The following ASAP2 variants were observed in gnomAD, a reference collection of about 807,000 sequenced individuals.
ASAP2 encodes arf-GAP with SH3 domain, ANK repeat and PH domain-containing protein 2.
ASAP2 carries 45 observed loss-of-function variants against 131.4 expected under a neutral mutation model. That is an observed-to-expected ratio of 0.34 (90% CI 0.27 to 0.44). The LOEUF (loss-of-function observed/expected upper bound fraction) is 0.44. Among genes scored for constraint, ASAP2 ranks in the 20% least tolerant of loss-of-function variants. The pLI, the probability that ASAP2 is intolerant of heterozygous loss-of-function variation, is 1.00. For missense variants in ASAP2, 1,011 were observed against 1,297.0 expected, an observed-to-expected ratio of 0.78 and a Z score of 3.39; for synonymous variants, 510 against 503.0, an observed-to-expected ratio of 1.01 and a Z score of -0.19.
intron 3 of ASAP2, among the ~76,000 whole-genome samples, chr2:9,304,533 A>G (rs1168922067): frequency 8.2e-5 from 12 of 145,634 alleles, no homozygotes; most frequent in African/African-American, 2.6e-4. Flanking sequence ...GGGGATGTAC[A>G]TAGGTGGGAG....
At chr2:9,275,566 C>A (rs1214141021) in intron 1 of ASAP2, among the ~76,000 whole-genome samples, 3 of 152,202 alleles carry the variant, frequency 2.0e-5, no homozygotes, top group African/African-American at 7.2e-5. Flanking sequence ...TGGGTTCCAG[C>A]CAGTTCCCTC....
chr2:9,304,649 G>A (rs989150391), intron 3 of ASAP2, among the ~76,000 whole-genome samples: 1 of 151,108 alleles, frequency 6.6e-6, no homozygotes, highest in African/African-American at 2.4e-5. Flanking sequence ...TTGGTGGAGG[G>A]GTTGTAGTAT....
At chr2:9,211,023 C>T (rs548289360) in intron 1 of ASAP2, among the ~76,000 whole-genome samples, 26 of 152,058 alleles carry the variant, frequency 1.7e-4, no homozygotes, top group Admixed American at 7.2e-4. Context: ...GGTGTGGTGG[C>T]GCATGCCTGT....
chr2:9,401,247 T>C, intron 26 of ASAP2, 27 bp from the exon 27 acceptor site: 1 of 1,612,706 alleles, frequency 6.2e-7, no homozygotes, highest in Non-Finnish European at 8.5e-7. Context: ...GCAGCCACAC[T>C]AACCGTTGTT....
intron 1 of ASAP2, among the ~76,000 whole-genome samples, chr2:9,269,821 A>G (rs1666216069): frequency 6.6e-6 from 1 of 152,224 alleles, no homozygotes; most frequent in African/African-American, 2.4e-5. Context: ...CAGGTGTGGA[A>G]AATGAGTGAA....
At chr2:9,327,458 A>G (rs896947087) in intron 6 of ASAP2, among the ~76,000 whole-genome samples, 1 of 152,206 alleles carries the variant, frequency 6.6e-6, no homozygotes, top group Non-Finnish European at 1.5e-5. Flanking sequence ...GTTAGCAGTT[A>G]TTGTTCCTAA....
At chr2:9,402,672 C>A (rs1459307792) in intron 27 of ASAP2, among the ~76,000 whole-genome samples, 1 of 152,128 alleles carries the variant, frequency 6.6e-6, no homozygotes, top group Non-Finnish European at 1.5e-5. Flanking sequence ...ACCACAGCAC[C>A]CCCCACCCAC....
At chr2:9,314,367 TG>T (rs1273793938) in intron 3 of ASAP2, among the ~76,000 whole-genome samples, 1 of 152,246 alleles carries the variant, frequency 6.6e-6, no homozygotes, top group Non-Finnish European at 1.5e-5. Flanking sequence ...CACATGCATT[TG>T]CTATATTATG....
chr2:9,347,594 A>T (rs1184575996), intron 11 of ASAP2, among the ~76,000 whole-genome samples: 2 of 152,142 alleles, frequency 1.3e-5, no homozygotes, highest in Non-Finnish European at 2.9e-5. Context: ...TGGGAAATGA[A>T]GTTGTTGTAT....
At chr2:9,223,249 G>A (rs1662550622) in intron 1 of ASAP2, among the ~76,000 whole-genome samples, 1 of 152,208 alleles carries the variant, frequency 6.6e-6, no homozygotes, top group Non-Finnish European at 1.5e-5. Context: ...GAAGTGCACA[G>A]TTCTCTTTAT....
At position 9,403,785 on chromosome 2, in the gene ASAP2, A is replaced by G. The variant is rs1177481379; in HGVS notation, c.*458A>G. The stretch of plus-strand genomic sequence containing the variant: ...CTCTGAACTTTCTCGATAAAATGCC[A>G]TCAGTTCACCTTTAAAGACACACAT... On this transcript the variant is annotated 3_prime_UTR_variant, in exon 28 of 28. Coordinates refer to ENST00000281419, the MANE Select transcript of ASAP2 (RefSeq NM_003887.3). The G allele has an allele frequency of 6.3e-6, 1 of 157,990 alleles. No individual in the cohort carries two copies. Among genetic ancestry groups the G allele is most frequent in the African/African-American group, 2.4e-5 (1 of 41,524 alleles). 9.8% of individuals were successfully genotyped at this position (157,990 alleles called of 1,614,324 possible). A position where few individuals can be genotyped will look rare whatever the true frequency, so the allele number is the denominator to read the frequency against.
chr2:9,334,346 G>A (rs1258526111), intron 7 of ASAP2, among the ~76,000 whole-genome samples: 1 of 151,846 alleles, frequency 6.6e-6, no homozygotes, highest in Non-Finnish European at 1.5e-5. Context: ...ATGAGCCACA[G>A]CACCCGGCCT....
intron 1 of ASAP2, among the ~76,000 whole-genome samples, chr2:9,208,012 G>C (rs994865377): frequency 2.0e-4 from 30 of 152,314 alleles, no homozygotes; most frequent in African/African-American, 7.2e-4. Context: ...ACGTAGGAAC[G>C]AAGAAGCTTG....
intron 1 of ASAP2, among the ~76,000 whole-genome samples, chr2:9,267,302 C>G (rs1219905074): frequency 6.6e-6 from 1 of 152,106 alleles, no homozygotes; most frequent in Non-Finnish European, 1.5e-5. Flanking sequence ...CCACATCTCT[C>G]CGCTCTCTAG....
intron 1 of ASAP2, among the ~76,000 whole-genome samples, chr2:9,241,525 T>G (rs939209337): frequency 6.6e-6 from 1 of 152,284 alleles, no homozygotes; most frequent in Non-Finnish European, 1.5e-5. Flanking sequence ...GAGGATCACT[T>G]GAGCCCAGGA....
chr2:9,212,448 G>A lies in ASAP2; in HGVS notation c.126+5218G>A, dbSNP rs112273103. 5.7e-3 allele frequency among the ~76,000 whole-genome samples: 870 copies of A among 152,012 alleles called. 35 individuals carry two copies. The highest frequency in any genetic ancestry group is 1.0e-3 in the Non-Finnish European group (69 of 67,966). On this transcript the variant is annotated intron_variant, in intron 1 of 27. Transcript: ENST00000281419. ...TACCAAATGCTAAGGCACTAAGCTG[G>A]TTCATTCTGGTCTTCTGTACCTGCC...
chr2:9,284,895 A>C (rs1667369961), intron 2 of ASAP2, among the ~76,000 whole-genome samples: 1 of 152,198 alleles, frequency 6.6e-6, no homozygotes, highest in South Asian at 2.1e-4. Context: ...TTTATGTAGA[A>C]GGAAGATTTA....
chr2:9,381,304 T>C (rs1319590775), intron 20 of ASAP2, among the ~76,000 whole-genome samples: 1 of 152,220 alleles, frequency 6.6e-6, no homozygotes, highest in Admixed American at 6.5e-5. Context: ...TGCCGGGGGC[T>C]CCCCAGCTTG....
At chr2:9,400,198 GC>G (rs1186273841) in intron 25 of ASAP2, 126 bp downstream of exon 25, 21 of 885,272 alleles carry the variant, frequency 2.4e-5, no homozygotes, top group Middle Eastern at 7.5e-4. Flanking sequence ...CAGCCCTCCT[GC>G]CCCCTCCCCT....
Sources: allele counts gnomAD v4.1 joint callset (sites outside exome capture counted in the v4.1 genomes callset), GRCh38; gene constraint gnomAD v4.1.1; transcripts MANE v1.5; gene names NCBI Gene and HGNC (gene_info 2026-07-23, HGNC 2026-07-21).